The following ADAMTSL3 variants were observed in gnomAD, a reference collection of about 807,000 sequenced individuals.
ADAMTSL3 encodes the protein ADAMTS like 3, also known as ADAMTS-like protein 3.
In ADAMTSL3, 128 loss-of-function variants were observed where a neutral mutation model predicts 201.7. The observed-to-expected ratio is 0.63, with a 90% CI of 0.55 to 0.73. The LOEUF is 0.73. ADAMTSL3 is among the 30% of genes least tolerant of loss of function. ADAMTSL3 has a pLI of 0.00. For missense variants in ADAMTSL3, 1,990 were observed against 2,119.6 expected (o/e 0.94, Z 1.20); for synonymous variants, 738 against 748.4 (o/e 0.99, Z 0.23).
At chr15:83,978,318 GA>G (rs1190124248) in intron 20 of ADAMTSL3, among the ~76,000 whole-genome samples, 1 of 152,236 alleles carries the variant, frequency 6.6e-6, no homozygotes, top group Non-Finnish European at 1.5e-5. Context: ...CAAAGACCCA[GA>G]GAGAGGAGTT....
intron 5 of ADAMTSL3, among the ~76,000 whole-genome samples, chr15:83,811,957 G>C (rs1348901137): frequency 6.6e-6 from 1 of 152,164 alleles, no homozygotes; most frequent in East Asian, 1.9e-4. Flanking sequence ...TTGCAAACCA[G>C]AGGTGCATAA....
intron 23 of ADAMTSL3, among the ~76,000 whole-genome samples, chr15:84,000,385 CT>C (rs1409448931): frequency 6.6e-6 from 1 of 151,722 alleles, no homozygotes; most frequent in African/African-American, 2.4e-5. Flanking sequence ...CCCTTTTTTC[CT>C]TCCTCTGTCT....
intron 19 of ADAMTSL3, among the ~76,000 whole-genome samples, chr15:83,964,385 G>A (rs1269358165): frequency 6.6e-6 from 1 of 151,832 alleles, no homozygotes; most frequent in African/African-American, 2.4e-5. Context: ...GCATACACAA[G>A]TATCAATAGC....
chr15:84,027,410 T>C (rs949046257), intron 27 of ADAMTSL3, among the ~76,000 whole-genome samples: 23 of 152,182 alleles, frequency 1.5e-4, no homozygotes, highest in African/African-American at 4.8e-4. Context: ...AGGATCTATA[T>C]CCTAGGGCAA....
In ADAMTSL3 at chr15:84,037,964, T is replaced by C. The variant is rs1323544848; in HGVS notation, c.*158T>C. The C allele has an allele frequency of 8.6e-7, 1 of 1,159,252 alleles. No individual in the cohort carries two copies. The highest frequency in any genetic ancestry group is 1.2e-6 in the Non-Finnish European group (1 of 867,314). The allele number at this position is 1,159,252 out of a possible 1,614,324, so 71.8% of individuals were successfully genotyped here. The stretch of plus-strand genomic sequence containing the variant: ...AAAACACCACTGTTAAGGTGTAAAG[T>C]GAAATTTTCCAATGGTAGTTTTATA... On this transcript the variant is annotated 3_prime_UTR_variant, in exon 30 of 30. Coordinates refer to ENST00000286744, the MANE Select transcript of ADAMTSL3 (RefSeq NM_207517.3).
intron 7 of ADAMTSL3, among the ~76,000 whole-genome samples, chr15:83,843,106 A>G (rs1226592861): frequency 1.3e-5 from 2 of 152,160 alleles, no homozygotes; most frequent in Non-Finnish European, 2.9e-5. Flanking sequence ...AGAATCTATT[A>G]AAAGTTATGC....
chr15:83,685,171 G>A (rs949129755), intron 2 of ADAMTSL3, among the ~76,000 whole-genome samples: 5 of 151,960 alleles, frequency 3.3e-5, no homozygotes, highest in Non-Finnish European at 7.4e-5. Flanking sequence ...GCCCTTAAGG[G>A]TTTTTTTGTT....
intron 9 of ADAMTSL3, 30 bp downstream of exon 9, chr15:83,870,989 T>G (rs2065069242): frequency 1.9e-6 from 3 of 1,600,742 alleles, no homozygotes; most frequent in Admixed American, 1.8e-5. Flanking sequence ...AAACTTCATG[T>G]ACCTGAATCC....
At chr15:83,923,784 A>G in intron 16 of ADAMTSL3, 120 bp from the exon 17 acceptor site, 1 of 1,182,678 alleles carries the variant, frequency 8.5e-7, no homozygotes, top group Non-Finnish European at 1.2e-6. Flanking sequence ...TGCAGCCTGC[A>G]GCCCTATGAT....
At chr15:83,704,542 T>C in intron 3 of ADAMTSL3, 34 bp downstream of exon 3, 1 of 1,602,928 alleles carries the variant, frequency 6.2e-7, no homozygotes, top group Non-Finnish European at 8.5e-7. Flanking sequence ...ACCTTTGGCT[T>C]TGCTGTTTGC....
At chr15:83,964,694 G>A (rs1302046812) in intron 19 of ADAMTSL3, among the ~76,000 whole-genome samples, 2 of 152,116 alleles carry the variant, frequency 1.3e-5, no homozygotes, top group Non-Finnish European at 2.9e-5. Flanking sequence ...TACTCCTCTA[G>A]AAGAACAACC....
At chr15:84,005,138 A>G (rs985465904) in intron 23 of ADAMTSL3, among the ~76,000 whole-genome samples, 2 of 152,196 alleles carry the variant, frequency 1.3e-5, no homozygotes, top group East Asian at 1.9e-4. Context: ...GTCCTGGGGA[A>G]TCAACACGGC....
intron 9 of ADAMTSL3, among the ~76,000 whole-genome samples, chr15:83,883,236 G>A (rs1260369720): frequency 1.3e-5 from 2 of 151,148 alleles, no homozygotes; most frequent in Admixed American, 1.3e-4. Flanking sequence ...GCAATGGTGT[G>A]ATCTCGGCTC....
At chr15:83,766,779 C>T (rs11856314) in intron 3 of ADAMTSL3, among the ~76,000 whole-genome samples, 104,846 of 152,166 alleles carry the variant, frequency 0.69, 37,432 homozygotes, top group African/African-American at 0.86. Context: ...AAATTATACA[C>T]GTTCATTGTA....
At chr15:83,981,349 T>C (rs1218277490) in intron 20 of ADAMTSL3, among the ~76,000 whole-genome samples, 4 of 152,178 alleles carry the variant, frequency 2.6e-5, no homozygotes, top group African/African-American at 9.7e-5. Context: ...GCCAACCCCA[T>C]CTCTGTTCCC....
intron 19 of ADAMTSL3, among the ~76,000 whole-genome samples, chr15:83,966,214 A>G (rs565113110): frequency 1.3e-5 from 2 of 152,320 alleles, no homozygotes; most frequent in East Asian, 3.9e-4. Flanking sequence ...GAGACATGAA[A>G]AACTCTTCAA....
chr15:83,923,205 G>C (rs899415646), intron 16 of ADAMTSL3, among the ~76,000 whole-genome samples: 1 of 152,124 alleles, frequency 6.6e-6, no homozygotes, highest in Non-Finnish European at 1.5e-5. Flanking sequence ...TTTTAGGCTT[G>C]AATCTACCAC....
intron 27 of ADAMTSL3, among the ~76,000 whole-genome samples, chr15:84,028,994 G>C (rs1256417365): frequency 6.6e-6 from 1 of 152,120 alleles, no homozygotes; most frequent in Admixed American, 6.5e-5. Flanking sequence ...AGTTTCCTGA[G>C]GCCTCCTCAG....
intron 13 of ADAMTSL3, among the ~76,000 whole-genome samples, chr15:83,896,612 AAG>A (rs1470235839): frequency 6.6e-6 from 1 of 152,160 alleles, no homozygotes; most frequent in African/African-American, 2.4e-5. Context: ...TAGGGGGAAA[AAG>A]GGGTGAAGGG....
Sources: gnomAD v4.1 joint callset for allele counts (sites outside exome capture counted in the v4.1 genomes callset) on GRCh38, gnomAD v4.1.1 for gene constraint, MANE v1.5 for transcripts, NCBI Gene and HGNC (gene_info 2026-07-23, HGNC 2026-07-21) for gene names.